The following KIF5B variants were observed in gnomAD, a reference collection of about 807,000 sequenced individuals.
KIF5B encodes kinesin-1 heavy chain.
A neutral mutation model predicts 132.8 loss-of-function variants in KIF5B; 49 were observed. That is an observed-to-expected ratio of 0.37 (90% CI 0.29 to 0.47). The LOEUF (loss-of-function observed/expected upper bound fraction) is 0.47. KIF5B is among the 20% of genes least tolerant of loss of function. The pLI is 1.00. For missense variants in KIF5B, 780 were observed against 1,144.0 expected (o/e 0.68, Z 4.59); for synonymous variants, 355 against 369.4 (o/e 0.96, Z 0.45).
chr10:32,053,128 T>G (rs2132619725), intron 1 of KIF5B, among the ~76,000 whole-genome samples: 1 of 152,336 alleles, frequency 6.6e-6, no homozygotes, highest in South Asian at 2.1e-4. Context: ...ATTGCAGCAA[T>G]TCTCTCCTAA....
At chr10:32,012,979 G>A (rs1050271418) in intron 25 of KIF5B, among the ~76,000 whole-genome samples, 2 of 148,924 alleles carry the variant, frequency 1.3e-5, no homozygotes, top group Non-Finnish European at 3.0e-5. Flanking sequence ...TCGGATCACT[G>A]CAAACTCCGC....
intron 1 of KIF5B, 146 bp downstream of exon 1, chr10:32,055,702 T>G: frequency 2.7e-6 from 3 of 1,095,448 alleles, no homozygotes; most frequent in Non-Finnish European, 2.6e-6. Flanking sequence ...CTCCCTCCAC[T>G]GGGTTATCTG....
intron 1 of KIF5B, 71 bp downstream of exon 1, chr10:32,055,777 C>G: frequency 6.4e-7 from 1 of 1,573,452 alleles, no homozygotes; most frequent in Non-Finnish European, 8.6e-7. Context: ...TGCACCCTGC[C>G]ACTTCCCTAA....
Position 32,038,155 on chromosome 10 carries a change from A to ACC in KIF5B, c.498+7_498+8insGG. ...ACAGGGTTTTCTAGACAACTGTACT[A>ACC]TAAATACCTTTACATAGGGAACTCG... On this transcript the variant is annotated splice_region_variant and intron_variant, in intron 6 of 25. Transcript: ENST00000302418. 6.4e-7 allele frequency: 1 copy of ACC among 1,560,540 alleles called. No individual in the cohort carries two copies. The highest frequency in any genetic ancestry group is 8.8e-7 in the Non-Finnish European group (1 of 1,135,596).
chr10:32,037,922 C>A (rs367766518), intron 6 of KIF5B, among the ~76,000 whole-genome samples: 9 of 152,078 alleles, frequency 5.9e-5, no homozygotes, highest in African/African-American at 2.2e-4. Context: ...CCAGCCTGGC[C>A]AACATGGTGA....
At position 32,055,518 on chromosome 10, in the gene KIF5B, G is replaced by GCACA. The variant is rs61091883; in HGVS notation, c.126+326_126+329dup. ...CAAAACACCAACAGTATCCGTAATTGCACACACACACACACACACACACGC... is the reference window on the plus strand; with the variant it reads ...CAAAACACCAACAGTATCCGTAATTGCACACACACACACACACACACACACACGC... On this transcript the variant is annotated intron_variant, in intron 1 of 25. Coordinates refer to ENST00000302418, the MANE Select transcript of KIF5B (RefSeq NM_004521.3). Among the ~76,000 whole-genome samples, 593 of 150,116 alleles carry GCACA rather than the reference G, an allele frequency of 4.0e-3. 2 individuals are homozygous for GCACA. The highest frequency in any genetic ancestry group is 0.011 in the East Asian group (56 of 5,074).
At chr10:32,015,221 A>C (rs1841142637) in intron 25 of KIF5B, among the ~76,000 whole-genome samples, 2 of 152,186 alleles carry the variant, frequency 1.3e-5, no homozygotes, top group South Asian at 2.1e-4. Context: ...ATATAATTAC[A>C]TGTCTAGCCA....
chr10:32,032,404 A>C (rs1406457530), intron 13 of KIF5B, among the ~76,000 whole-genome samples: 2 of 152,080 alleles, frequency 1.3e-5, no homozygotes, highest in African/African-American at 4.8e-5. Flanking sequence ...AATTTAAAGG[A>C]CTGCTTTTCA....
chr10:32,056,388 C>T lies in KIF5B; in HGVS notation c.-415G>A, dbSNP rs1841765471. The T allele has an allele frequency of 4.5e-6, 1 of 222,780 alleles. No homozygotes were observed. Among genetic ancestry groups the T allele is most frequent in the Non-Finnish European group, 9.0e-6 (1 of 111,000 alleles). 13.8% of individuals were successfully genotyped at this position (222,780 alleles called of 1,614,324 possible). On this transcript the variant is annotated 5_prime_UTR_variant, in exon 1 of 26. Transcript: ENST00000302418. ...GCTCTGCCGTCCGCTGGCCGGCCGA[C>T]TGCTGCCCGATCACTCCTGAGGCCG... is the stretch of plus-strand genomic sequence containing the variant.
At chr10:32,019,733 T>C (rs1413768824) in intron 20 of KIF5B, 125 bp downstream of exon 20, 1 of 580,734 alleles carries the variant, frequency 1.7e-6, no homozygotes, top group Non-Finnish European at 3.0e-6. Flanking sequence ...CTCAGTGGAT[T>C]TAAGAAAAAA....
chr10:32,019,483 T>C (rs1841228627), intron 20 of KIF5B, among the ~76,000 whole-genome samples: 2 of 152,216 alleles, frequency 1.3e-5, no homozygotes, highest in African/African-American at 4.8e-5. Context: ...AATGCTCTTT[T>C]ATGCAAGAGA....
chr10:32,038,976 A>T (rs1841497931), intron 4 of KIF5B, 150 bp from the exon 5 acceptor site: 1 of 617,498 alleles, frequency 1.6e-6, no homozygotes, highest in South Asian at 1.9e-5. Context: ...GACATAAATT[A>T]GCCAAATTAG....
intron 15 of KIF5B, among the ~76,000 whole-genome samples, chr10:32,024,633 T>A (rs189467199): frequency 6.6e-6 from 1 of 151,214 alleles, no homozygotes; most frequent in Non-Finnish European, 1.5e-5. Flanking sequence ...GGTGTGGTAG[T>A]GGGAGCCTGT....
At chr10:32,052,666 A>T (rs575801776) in intron 1 of KIF5B, among the ~76,000 whole-genome samples, 2 of 152,304 alleles carry the variant, frequency 1.3e-5, no homozygotes, top group African/African-American at 4.8e-5. Flanking sequence ...GCTCATTTCA[A>T]AGACATAAAC....
chr10:32,022,130 G>T lies in KIF5B; in HGVS notation c.2032+10C>A. The stretch of plus-strand genomic sequence containing the variant: ...CACAGATGTAACTCATAAACAGTTG[G>T]AAGCTATACCTTGTGCTCGAAGCTG... On this transcript the variant is annotated intron_variant, in intron 17 of 25. Coordinates refer to ENST00000302418, the MANE Select transcript of KIF5B (RefSeq NM_004521.3). 2.2e-6 allele frequency: 3 copies of T among 1,364,918 alleles called. No individual in the cohort carries two copies. The highest frequency in any genetic ancestry group is 3.1e-6 in the Non-Finnish European group (3 of 966,228). 84.6% of individuals were successfully genotyped at this position (1,364,918 alleles called of 1,614,324 possible). A position where few individuals can be genotyped will look rare whatever the true frequency, so the allele number is the denominator to read the frequency against.
chr10:32,033,628 A>G (rs1169286939), intron 12 of KIF5B, among the ~76,000 whole-genome samples: 2 of 152,182 alleles, frequency 1.3e-5, no homozygotes, highest in Admixed American at 1.3e-4. Context: ...AAAGAGGGGG[A>G]AGAAAAGATA....
At position 32,018,046 on chromosome 10, in the gene KIF5B, T is replaced by C. The variant is rs753951186; in HGVS notation, c.2544+6A>G. ...TGCAGCTACCAGAAAATATACTCTT[T>C]AGTACCTGTTTGTGCACTTTAGTGA... On this transcript the variant is annotated splice_donor_region_variant and intron_variant, in intron 23 of 25. Coordinates refer to ENST00000302418, the MANE Select transcript of KIF5B (RefSeq NM_004521.3). 1.1e-5 allele frequency: 17 copies of C among 1,514,788 alleles called. No individual in the cohort carries two copies. The Admixed American group carries it at 2.1e-4, about 19-fold the overall frequency. 93.8% of individuals were successfully genotyped at this position (1,514,788 alleles called of 1,614,324 possible).
At chr10:32,032,352 A>G (rs1028257581) in intron 13 of KIF5B, among the ~76,000 whole-genome samples, 2 of 152,178 alleles carry the variant, frequency 1.3e-5, no homozygotes, top group Admixed American at 6.5e-5. Flanking sequence ...TTTCTTACCG[A>G]AGCAGTCTTT....
rs1841397237 is a variant in KIF5B at position 32,031,069 on chromosome 10, C to T, written c.1581+4G>A. 6.3e-7 allele frequency: 1 copy of T among 1,599,066 alleles called. No individual in the cohort carries two copies. The highest frequency in any genetic ancestry group is 1.7e-5 in the Admixed American group (1 of 59,878). ...TTAAAAAAGAAAATAAAACTATATC[C>T]TACCGATTTCTGATTCAATTCATCA... On this transcript the variant is annotated splice_donor_region_variant and intron_variant, in intron 14 of 25. Coordinates refer to ENST00000302418, the MANE Select transcript of KIF5B (RefSeq NM_004521.3).
Sources: allele counts gnomAD v4.1 joint callset (sites outside exome capture counted in the v4.1 genomes callset), GRCh38; gene constraint gnomAD v4.1.1; transcripts MANE v1.5; gene names NCBI Gene and HGNC (gene_info 2026-07-23, HGNC 2026-07-21).